ASAP2: variants seen among roughly 807,000 people sequenced by gnomAD.
ASAP2 encodes ArfGAP with SH3 domain, ankyrin repeat and PH domain 2.
Under a neutral mutation model 131.4 loss-of-function variants are expected in ASAP2, and 45 were observed. The ratio of observed to expected loss-of-function variants is 0.34; its 90% CI spans 0.27 to 0.44. The LOEUF (loss-of-function observed/expected upper bound fraction) is 0.44. ASAP2 is among the 20% of genes least tolerant of loss of function. The pLI, the probability that ASAP2 is intolerant of heterozygous loss-of-function variation, is 1.00. For missense variants in ASAP2, 1,011 were observed against 1,297.0 expected (o/e 0.78, Z 3.39); for synonymous variants, 510 against 503.0 (o/e 1.01, Z -0.19).
At chr2:9,280,458 G>C (rs1667062120) in intron 2 of ASAP2, among the ~76,000 whole-genome samples, 1 of 152,060 alleles carries the variant, frequency 6.6e-6, no homozygotes, top group African/African-American at 2.4e-5. Context: ...GAAGAATCTA[G>C]CAGGAAATCC....
At chr2:9,286,591 C>T (rs566064661) in intron 2 of ASAP2, among the ~76,000 whole-genome samples, 127 of 152,234 alleles carry the variant, frequency 8.3e-4, no homozygotes, top group Non-Finnish European at 1.5e-3. Flanking sequence ...CGCAGAGTTT[C>T]TGGAAAGCAG....
chr2:9,365,665 G>A (rs1673415280), intron 15 of ASAP2, among the ~76,000 whole-genome samples: 1 of 152,222 alleles, frequency 6.6e-6, no homozygotes, highest in East Asian at 1.9e-4. Context: ...CGTATGGTGA[G>A]TGCCAAGAAA....
intron 15 of ASAP2, among the ~76,000 whole-genome samples, chr2:9,360,609 C>T (rs1422540633): frequency 2.0e-5 from 3 of 152,116 alleles, no homozygotes; most frequent in Non-Finnish European, 4.4e-5. Flanking sequence ...TGTAAATACT[C>T]CCACAATGGC....
rs765530634 is a variant in ASAP2 at position 9,393,500 on chromosome 2, C to T, written c.2537C>T (p.Pro846Leu). ...VTSTNPLTPT[P>L]PPPVAKTPSV... ...TCCGCAGATCCCCTGACCCCCACGC[C>T]GCCCCCACCCGTTGCCAAGACGCCC... Residue 846 changes from proline to leucine, a missense_variant, in exon 24 of 28, where the codon CCG (proline) becomes CTG (leucine). Pro to Leu is a moderately conservative substitution (Grantham distance 98, BLOSUM62 -3). Coordinates refer to ENST00000281419, the MANE Select transcript of ASAP2 (RefSeq NM_003887.3). The T allele has an allele frequency of 1.3e-5, 21 of 1,606,484 alleles. No homozygotes were observed. Among genetic ancestry groups the T allele is most frequent in the East Asian group, 6.7e-5 (3 of 44,554 alleles).
chr2:9,371,772 A>T (rs964230185), intron 16 of ASAP2, among the ~76,000 whole-genome samples: 2 of 152,088 alleles, frequency 1.3e-5, no homozygotes, highest in African/African-American at 4.8e-5. Context: ...TCCTCTGAAC[A>T]CCAAATGTAT....
At chr2:9,287,571 G>A (rs1319907806) in intron 2 of ASAP2, among the ~76,000 whole-genome samples, 2 of 152,182 alleles carry the variant, frequency 1.3e-5, no homozygotes, top group Non-Finnish European at 2.9e-5. Flanking sequence ...CTCTCTAGAG[G>A]AGGCTTTCAC....
intron 1 of ASAP2, among the ~76,000 whole-genome samples, chr2:9,258,257 A>AG (rs1229705282): frequency 2.6e-5 from 4 of 151,566 alleles, no homozygotes; most frequent in Non-Finnish European, 5.9e-5. Context: ...AAAAAAAAAA[A>AG]AATTTCTATG....
At position 9,334,860 on chromosome 2, in the gene ASAP2, C is replaced by T; in HGVS notation, c.762+47C>T. 5 of 1,549,962 alleles carry T rather than the reference C, an allele frequency of 3.2e-6. No homozygotes were observed. The African/African-American group carries it at 4.1e-5, about 13-fold the overall frequency. On this transcript the variant is annotated intron_variant, in intron 8 of 27. Coordinates refer to ENST00000281419, the MANE Select transcript of ASAP2 (RefSeq NM_003887.3). ...GTGGTTTAAAACCATCTTAATGCAA[C>T]AGACATTTTCATCTAAATGTCACTT...
intron 2 of ASAP2, among the ~76,000 whole-genome samples, chr2:9,290,209 T>C (rs1340758454): frequency 6.6e-6 from 1 of 152,106 alleles, no homozygotes; most frequent in Non-Finnish European, 1.5e-5. Flanking sequence ...TATTTATTTA[T>C]TTATTTATTT....
intron 1 of ASAP2, among the ~76,000 whole-genome samples, chr2:9,227,129 T>C (rs1390044449): frequency 6.6e-6 from 1 of 152,220 alleles, no homozygotes; most frequent in Non-Finnish European, 1.5e-5. Context: ...TCTCCAGCCC[T>C]GCTGTGCTTG....
At chr2:9,320,420 G>C in intron 5 of ASAP2, 83 bp downstream of exon 5, 1 of 1,034,804 alleles carries the variant, frequency 9.7e-7, no homozygotes, top group Non-Finnish European at 1.5e-6. Context: ...TAAAGGGATT[G>C]TCCAAATAAA....
In ASAP2 at chr2:9,350,828, G is replaced by C. The variant is rs1237676176; in HGVS notation, c.1044G>C (p.Lys348Asn). Residue 348 changes from lysine to asparagine, a missense_variant, in exon 12 of 28, where the codon AAG becomes AAC. Transcript: ENST00000281419. Reference protein sequence around the residue: ...SHGTANRPPAKLNLLTCQVKT... With the variant: ...SHGTANRPPANLNLLTCQVKT... ...AACAGGCTAACCGGCCTCCTGCAAA[G>C]CTCAACCTGCTAACCTGCCAGGTGA... 6.2e-7 allele frequency: 1 copy of C among 1,613,606 alleles called. No individual in the cohort carries two copies. Among genetic ancestry groups the C allele is most frequent in the African/African-American group, 1.3e-5 (1 of 75,016 alleles).
chr2:9,248,100 A>AG (rs1255505801), intron 1 of ASAP2, among the ~76,000 whole-genome samples: 2 of 152,140 alleles, frequency 1.3e-5, no homozygotes, highest in Non-Finnish European at 2.9e-5. Context: ...GGCTGATGGA[A>AG]GGGGGGCGGC....
At chr2:9,210,595 C>T (rs1661463645) in intron 1 of ASAP2, among the ~76,000 whole-genome samples, 1 of 151,732 alleles carries the variant, frequency 6.6e-6, no homozygotes, top group Non-Finnish European at 1.5e-5. Context: ...CGCTCTGTCG[C>T]CCAGGCTGGA....
rs1478317554 is a variant in ASAP2 at position 9,268,131 on chromosome 2, T to C, written c.127-11186T>C. Reference sequence around the variant, plus strand: ...TTTTATACTGCATGTATTCTTTTGCTCAACATTTTTGTCAAGTTCACTTGT... The same window carrying C: ...TTTTATACTGCATGTATTCTTTTGCCCAACATTTTTGTCAAGTTCACTTGT... On this transcript the variant is annotated intron_variant, in intron 1 of 27. Coordinates refer to ENST00000281419, the MANE Select transcript of ASAP2 (RefSeq NM_003887.3). This position sits in a 1 kb window ranked among gnomAD's most constrained non-coding sequence, Gnocchi z 4.1. Among the ~76,000 whole-genome samples, 1 of 152,200 alleles carries C rather than the reference T, an allele frequency of 6.6e-6. No homozygotes were observed. The highest frequency in any genetic ancestry group is 1.5e-5 in the Non-Finnish European group (1 of 68,026).
chr2:9,370,104 C>G (rs1331816581), intron 16 of ASAP2, among the ~76,000 whole-genome samples: 1 of 152,158 alleles, frequency 6.6e-6, no homozygotes, highest in Admixed American at 6.5e-5. Flanking sequence ...TCCCAAAGTG[C>G]TGGGATTACA....
intron 3 of ASAP2, among the ~76,000 whole-genome samples, chr2:9,316,774 T>TCC (rs1249693393): frequency 6.6e-6 from 1 of 152,054 alleles, no homozygotes; most frequent in Non-Finnish European, 1.5e-5. Flanking sequence ...TTAGGAGGCT[T>TCC]CCATTCCACC....
intron 1 of ASAP2, among the ~76,000 whole-genome samples, chr2:9,278,755 G>T (rs62121275): frequency 0.1 from 15,388 of 152,196 alleles, 825 homozygotes; most frequent in Admixed American, 0.13. Flanking sequence ...TGCAAAGTGG[G>T]TATTGTTCCT....
Position 9,217,191 on chromosome 2 carries a change from C to G in ASAP2, c.126+9961C>G, listed in dbSNP as rs1043398820. Reference sequence around the variant, plus strand: ...TTGCAGCCTCTGTGGCCAGCATGCCCTCCCTTGCTGTTAGTGTTAGAAAGT... The same window carrying G: ...TTGCAGCCTCTGTGGCCAGCATGCCGTCCCTTGCTGTTAGTGTTAGAAAGT... On this transcript the variant is annotated intron_variant, in intron 1 of 27. Coordinates refer to ENST00000281419, the MANE Select transcript of ASAP2 (RefSeq NM_003887.3). This position sits in a 1 kb window ranked among gnomAD's most constrained non-coding sequence, Gnocchi z 4.0. Among the ~76,000 whole-genome samples, 1 of 152,186 alleles carries G rather than the reference C, an allele frequency of 6.6e-6. No homozygotes were observed. Among genetic ancestry groups the G allele is most frequent in the Non-Finnish European group, 1.5e-5 (1 of 68,030 alleles).
Sources: gnomAD v4.1 joint callset for allele counts (sites outside exome capture counted in the v4.1 genomes callset) on GRCh38, gnomAD v4.1.1 for gene constraint, Gnocchi (gnomAD v3.1) non-coding constraint, MANE v1.5 for transcripts, NCBI Gene and HGNC (gene_info 2026-07-23, HGNC 2026-07-21) for gene names.